The following FAM3D variants were observed in gnomAD, a reference collection of about 807,000 sequenced individuals.
FAM3D encodes the protein protein FAM3D.
FAM3D carries 26 observed loss-of-function variants against 29.8 expected under a neutral mutation model. The observed-to-expected ratio is 0.87, with a 90% CI of 0.64 to 1.21. The LOEUF is 1.21. Among genes scored for constraint, FAM3D ranks in the 50% most tolerant of loss-of-function variants. The pLI is 0.00. For synonymous variants in FAM3D, 115 were observed against 102.3 expected (o/e 1.12, Z -0.75); for missense variants, 253 against 290.9 (o/e 0.87, Z 0.95).
chr3:58,648,620 T>C (rs2066541850), intron 4 of FAM3D, among the ~76,000 whole-genome samples: 1 of 152,240 alleles, frequency 6.6e-6, no homozygotes. Context: ...ATCCAGTGCC[T>C]GGCACATAAT....
At chr3:58,637,018 T>C in intron 8 of FAM3D, 123 bp downstream of exon 8, 1 of 784,336 alleles carries the variant, frequency 1.3e-6, no homozygotes, top group Non-Finnish European at 2.1e-6. Flanking sequence ...ACTTGTCTGA[T>C]AATTTCCTCG....
chr3:58,657,415 G>A (rs1043174644), intron 1 of FAM3D: 6 of 151,852 alleles, frequency 4.0e-5, no homozygotes, highest in Admixed American at 3.3e-4. Context: ...ATGAGAAGAG[G>A]GAGACACAAC....
chr3:58,638,539 C>A (rs139036640), intron 7 of FAM3D, among the ~76,000 whole-genome samples: 1 of 152,332 alleles, frequency 6.6e-6, no homozygotes, highest in Non-Finnish European at 1.5e-5. Flanking sequence ...GGATTGGCAG[C>A]ATAATTTTCA....
intron 1 of FAM3D, among the ~76,000 whole-genome samples, chr3:58,663,886 T>C (rs927505252): frequency 3.3e-5 from 5 of 152,190 alleles, no homozygotes; most frequent in Non-Finnish European, 4.4e-5. Context: ...CTCACAGGGA[T>C]TTCTCCACCA....
chr3:58,636,501 G>C, intron 8 of FAM3D, 81 bp from the exon 9 acceptor site: 1 of 1,565,232 alleles, frequency 6.4e-7, no homozygotes, highest in Non-Finnish European at 8.6e-7. Context: ...ATGGGGCAAG[G>C]TTCCCACTCT....
chr3:58,656,101 C>A lies in FAM3D; in HGVS notation c.-38-500G>T, dbSNP rs1052072795. ...CTTCCCTTCCTTCCTTCCTTCCTAC[C>A]AGCCAGCCAGGGAGGTTGAGCTAGC... is the stretch of plus-strand genomic sequence containing the variant. On this transcript the variant is annotated intron_variant, in intron 1 of 9. Coordinates refer to ENST00000358781, the MANE Select transcript of FAM3D (RefSeq NM_138805.3). Among the ~76,000 whole-genome samples the A allele has an allele frequency of 3.9e-5, 6 of 152,260 alleles. 1 individual carries two copies. The South Asian group carries it at 1.2e-3, about 32-fold the overall frequency.
intron 5 of FAM3D, among the ~76,000 whole-genome samples, chr3:58,644,697 T>A (rs2066427804): frequency 6.6e-6 from 1 of 152,052 alleles, no homozygotes; most frequent in Non-Finnish European, 1.5e-5. Context: ...CCCATTAGGG[T>A]GCTAGGCTGG....
Position 58,635,983 on chromosome 3 carries a change from C to T in FAM3D, c.585+311G>A, listed in dbSNP as rs556126513. ...CCTTCCCCGCCACACAGCTCCATGT[C>T]TCCATTTCTTTCTCGTTCCTTCATG... is the stretch of plus-strand genomic sequence containing the variant. On this transcript the variant is annotated intron_variant, in intron 9 of 9. Transcript: ENST00000358781. This position sits in a 1 kb window ranked among gnomAD's most constrained non-coding sequence, Gnocchi z 5.2. 6.6e-6 allele frequency among the ~76,000 whole-genome samples: 1 copy of T among 152,374 alleles called. No homozygotes were observed. The highest frequency in any genetic ancestry group is 2.1e-4 in the South Asian group (1 of 4,830).
chr3:58,637,239 G>A lies in FAM3D; in HGVS notation c.374-14C>T, dbSNP rs749181791. The A allele has an allele frequency of 1.9e-6, 3 of 1,604,630 alleles. No homozygotes were observed. In the South Asian group the frequency reaches 3.3e-5, roughly 18 times the overall value. On this transcript the variant is annotated splice_polypyrimidine_tract_variant and intron_variant, in intron 7 of 9. Coordinates refer to ENST00000358781, the MANE Select transcript of FAM3D (RefSeq NM_138805.3). ...GGTGCATAACATCTGGGGGAGGAAG[G>A]AAAAGGTGCTGGTGATTTAGGGGAA...
chr3:58,636,973 G>A (rs954339089), intron 8 of FAM3D, among the ~76,000 whole-genome samples, 168 bp downstream of exon 8: 3 of 152,132 alleles, frequency 2.0e-5, no homozygotes, highest in Admixed American at 2.0e-4. Context: ...TGGTAATGAA[G>A]GCTGTGATGA....
chr3:58,665,162 C>A (rs1260996939), intron 1 of FAM3D, among the ~76,000 whole-genome samples: 1 of 152,138 alleles, frequency 6.6e-6, no homozygotes, highest in Non-Finnish European at 1.5e-5. Flanking sequence ...CCTAAACCTC[C>A]AGGTGCCCAA....
chr3:58,645,086 G>A (rs996568418), intron 5 of FAM3D, among the ~76,000 whole-genome samples: 1 of 152,198 alleles, frequency 6.6e-6, no homozygotes, highest in African/African-American at 2.4e-5. Context: ...AAGCCCTGGT[G>A]CCTGCTATAT....
chr3:58,640,083 A>G, intron 7 of FAM3D, 44 bp downstream of exon 7: 1 of 1,608,662 alleles, frequency 6.2e-7, no homozygotes, highest in Non-Finnish European at 8.5e-7. Context: ...AGCCCTCTGC[A>G]CCGCACCCCC....
intron 1 of FAM3D, among the ~76,000 whole-genome samples, chr3:58,657,963 T>C (rs1355262870): frequency 6.6e-6 from 1 of 152,172 alleles, no homozygotes; most frequent in Non-Finnish European, 1.5e-5. Flanking sequence ...GATGCTTACC[T>C]AGCCAGCCTA....
chr3:58,636,676 T>A (rs1163314727), intron 8 of FAM3D, among the ~76,000 whole-genome samples: 1 of 152,234 alleles, frequency 6.6e-6, no homozygotes, highest in Admixed American at 6.5e-5. Context: ...CACATTCATT[T>A]GGAAAATATG....
rs563291958 is a variant in FAM3D, at chr3:58,647,355, A to C, written c.146-1729T>G. 1.6e-3 allele frequency among the ~76,000 whole-genome samples: 246 copies of C among 152,264 alleles called. 2 individuals carry two copies. Among genetic ancestry groups the C allele is most frequent in the African/African-American group, 5.7e-3 (237 of 41,566 alleles). ...TCTCCTCCTTCTGGGCAGGATCCCT[A>C]TGAAGGGGCCCAGCCCCCACCTATG... On this transcript the variant is annotated intron_variant, in intron 4 of 9. Coordinates refer to ENST00000358781, the MANE Select transcript of FAM3D (RefSeq NM_138805.3).
At chr3:58,645,829 A>G (rs1044898652) in intron 4 of FAM3D, among the ~76,000 whole-genome samples, 2 of 152,244 alleles carry the variant, frequency 1.3e-5, no homozygotes, top group Admixed American at 6.5e-5. Flanking sequence ...CCACCAGAGC[A>G]CACAGGACCA....
intron 1 of FAM3D, among the ~76,000 whole-genome samples, chr3:58,665,545 T>C (rs1021044794): frequency 2.0e-5 from 3 of 152,216 alleles, no homozygotes; most frequent in Non-Finnish European, 4.4e-5. Flanking sequence ...TTGTTAATCA[T>C]TGTGTCTTTT....
intron 4 of FAM3D, among the ~76,000 whole-genome samples, chr3:58,647,072 G>A (rs1247874129): frequency 6.6e-6 from 1 of 152,152 alleles, no homozygotes; most frequent in Non-Finnish European, 1.5e-5. Context: ...CCCACACCAG[G>A]GAACCCTGCT....
Sources: gnomAD v4.1 joint callset for allele counts (sites outside exome capture counted in the v4.1 genomes callset) on GRCh38, gnomAD v4.1.1 for gene constraint, Gnocchi (gnomAD v3.1) non-coding constraint, MANE v1.5 for transcripts, NCBI Gene and HGNC (gene_info 2026-07-23, HGNC 2026-07-21) for gene names.